FARS2: variants seen among roughly 807,000 people sequenced by gnomAD.
The protein encoded by FARS2 is phenylalanyl-tRNA synthetase 2, mitochondrial.
FARS2 carries 40 observed loss-of-function variants against 46.4 expected under a neutral mutation model. The ratio of observed to expected loss-of-function variants is 0.86; its 90% CI spans 0.67 to 1.12. The LOEUF is 1.12. Among genes scored for constraint, FARS2 ranks in the 50% most tolerant of loss-of-function variants. The pLI is 0.00. For synonymous variants in FARS2, 234 were observed against 214.9 expected (o/e 1.09, Z -0.78); for missense variants, 513 against 567.9 (o/e 0.90, Z 0.98).
At chr6:5,484,460 C>T (rs548648227) in intron 4 of FARS2, among the ~76,000 whole-genome samples, 2 of 152,322 alleles carry the variant, frequency 1.3e-5, no homozygotes, top group African/African-American at 2.4e-5. Flanking sequence ...CCACTAACCA[C>T]ATGTGACTGG....
At chr6:5,309,811 T>A (rs901926232) in intron 1 of FARS2, among the ~76,000 whole-genome samples, 1 of 152,028 alleles carries the variant, frequency 6.6e-6, no homozygotes, top group East Asian at 1.9e-4. Flanking sequence ...GGCAACAGAG[T>A]TTTGTTGCTC....
chr6:5,624,444 A>C (rs1293303173), intron 6 of FARS2, among the ~76,000 whole-genome samples: 1 of 152,188 alleles, frequency 6.6e-6, no homozygotes. Flanking sequence ...GTGTCTCTGC[A>C]GAGAGAAGGG....
Position 5,369,068 on chromosome 6 carries a change from G to A in FARS2, c.498G>A (p.Ala166=), listed in dbSNP as rs375136325. 1.3e-5 allele frequency: 21 copies of A among 1,613,900 alleles called. No homozygotes were observed. In the Middle Eastern group the frequency reaches 4.9e-4, roughly 38 times the overall value. Residue 166 remains alanine (A), a synonymous_variant, in exon 2 of 7, where the codon GCG becomes GCA. Coordinates refer to ENST00000274680, the MANE Select transcript of FARS2 (RefSeq NM_006567.5). ...TSAHQWDLLH[A]GLDAFLVVGD... ...CACACCAGTGGGACTTGCTGCACGCGGGACTGGATGCCTTCCTGGTGGTGG... is the reference window on the plus strand; with the variant it reads ...CACACCAGTGGGACTTGCTGCACGCAGGACTGGATGCCTTCCTGGTGGTGG...
intron 4 of FARS2, among the ~76,000 whole-genome samples, chr6:5,460,046 G>A (rs1765152431): frequency 6.6e-6 from 1 of 152,168 alleles, no homozygotes; most frequent in African/African-American, 2.4e-5. Context: ...CGTGTTTTGG[G>A]ATAGATCGGT....
At chr6:5,676,346 C>T (rs964972618) in intron 6 of FARS2, among the ~76,000 whole-genome samples, 2 of 152,130 alleles carry the variant, frequency 1.3e-5, no homozygotes, top group Non-Finnish European at 2.9e-5. Context: ...ATTTTGTATT[C>T]GTTAAATACA....
At chr6:5,344,334 C>A (rs564813904) in intron 1 of FARS2, among the ~76,000 whole-genome samples, 1 of 152,210 alleles carries the variant, frequency 6.6e-6, no homozygotes, top group South Asian at 2.1e-4. Flanking sequence ...TGTAACAGAT[C>A]ACACTGACCT....
rs370989128 is a variant in FARS2 at position 5,287,441 on chromosome 6, T to C, written c.-22+25781T>C. Reference sequence around the variant, plus strand: ...TTCCCGGCCGCACTGTTTCCTCTTTTTATCCTGATTCTCTTTTTGGCACTG... The same window carrying C: ...TTCCCGGCCGCACTGTTTCCTCTTTCTATCCTGATTCTCTTTTTGGCACTG... On this transcript the variant is annotated intron_variant, in intron 1 of 6. Coordinates refer to ENST00000274680, the MANE Select transcript of FARS2 (RefSeq NM_006567.5). 5.9e-5 allele frequency among the ~76,000 whole-genome samples: 9 copies of C among 152,294 alleles called. No individual in the cohort carries two copies. In the South Asian group the frequency reaches 1.5e-3, roughly 25 times the overall value.
Position 5,263,888 on chromosome 6 carries a change from T to A in FARS2, c.-22+2228T>A, listed in dbSNP as rs141940192. 1.5e-4 allele frequency among the ~76,000 whole-genome samples: 23 copies of A among 152,298 alleles called. No individual in the cohort carries two copies. The East Asian group carries it at 4.0e-3, about 27-fold the overall frequency. On this transcript the variant is annotated intron_variant, in intron 1 of 6. Coordinates refer to ENST00000274680, the MANE Select transcript of FARS2 (RefSeq NM_006567.5). ...TCAAAATGATGTATAAAGTAAAATT[T>A]GTATAGTAGTAGTAACTTACGATAT...
At chr6:5,626,122 G>A (rs890898668) in intron 6 of FARS2, among the ~76,000 whole-genome samples, 2 of 152,146 alleles carry the variant, frequency 1.3e-5, no homozygotes, top group Admixed American at 6.5e-5. Context: ...GACATTTACA[G>A]GAAGAAGATA....
intron 4 of FARS2, among the ~76,000 whole-genome samples, chr6:5,524,343 T>C (rs1294940901): frequency 6.6e-6 from 1 of 152,220 alleles, no homozygotes; most frequent in Non-Finnish European, 1.5e-5. Context: ...GAGCTGGTCA[T>C]GTAGAGGCCC....
intron 6 of FARS2, among the ~76,000 whole-genome samples, chr6:5,695,824 A>G (rs746119185): frequency 6.6e-6 from 1 of 152,220 alleles, no homozygotes; most frequent in Non-Finnish European, 1.5e-5. Context: ...AAAAAATTGG[A>G]TCAGGAATGT....
intron 4 of FARS2, among the ~76,000 whole-genome samples, chr6:5,523,993 A>T (rs1465263653): frequency 6.6e-6 from 1 of 150,982 alleles, no homozygotes; most frequent in Non-Finnish European, 1.5e-5. Context: ...AACATGATGA[A>T]TTCTTAGTTT....
At chr6:5,267,225 C>A (rs1331667828) in intron 1 of FARS2, among the ~76,000 whole-genome samples, 1 of 150,454 alleles carries the variant, frequency 6.6e-6, no homozygotes, top group East Asian at 2.0e-4. Context: ...ATGCTACAAA[C>A]CCCGACCACC....
intron 4 of FARS2, among the ~76,000 whole-genome samples, chr6:5,537,697 C>T (rs1325951804): frequency 6.6e-6 from 1 of 152,268 alleles, no homozygotes; most frequent in Admixed American, 6.5e-5. Flanking sequence ...TTTGCAAATG[C>T]TTCCCTCTCT....
At chr6:5,552,908 T>C (rs1771450174) in intron 5 of FARS2, among the ~76,000 whole-genome samples, 1 of 152,234 alleles carries the variant, frequency 6.6e-6, no homozygotes, top group Non-Finnish European at 1.5e-5. Context: ...AAATTTGCTG[T>C]TTCAGTGCAT....
chr6:5,619,649 A>G (rs963572459), intron 6 of FARS2, among the ~76,000 whole-genome samples: 26 of 151,026 alleles, frequency 1.7e-4, no homozygotes, highest in African/African-American at 5.1e-4. Flanking sequence ...AGACTAGAAC[A>G]CTTGTGACCA....
intron 2 of FARS2, among the ~76,000 whole-genome samples, chr6:5,383,760 CTTT>C (rs5873976): frequency 6.9e-6 from 1 of 145,220 alleles, no homozygotes; most frequent in Non-Finnish European, 1.5e-5. Context: ...TTCTGATCTA[CTTT>C]TTTTTTTTTT....
chr6:5,491,758 C>T (rs191246423), intron 4 of FARS2, among the ~76,000 whole-genome samples: 121 of 152,296 alleles, frequency 7.9e-4, no homozygotes, highest in Middle Eastern at 6.8e-3. Flanking sequence ...CCTTTAACAC[C>T]CACTGCTTCT....
At chr6:5,414,671 A>T (rs183535177) in intron 3 of FARS2, among the ~76,000 whole-genome samples, 1 of 151,834 alleles carries the variant, frequency 6.6e-6, no homozygotes, top group East Asian at 1.9e-4. Flanking sequence ...ATTGTTGGCT[A>T]TTTGGGTTGT....
Sources: allele counts gnomAD v4.1 joint callset (sites outside exome capture counted in the v4.1 genomes callset), GRCh38; gene constraint gnomAD v4.1.1; transcripts MANE v1.5; gene names NCBI Gene and HGNC (gene_info 2026-07-23, HGNC 2026-07-21).